MAPK8IP1: variants seen among roughly 807,000 people sequenced by gnomAD.
MAPK8IP1 encodes C-Jun-amino-terminal kinase-interacting protein 1.
MAPK8IP1 carries 17 observed loss-of-function variants against 72.6 expected under a neutral mutation model. That is an observed-to-expected ratio of 0.23 (90% CI 0.16 to 0.35). The LOEUF (loss-of-function observed/expected upper bound fraction) is 0.35, where lower values mean the gene tolerates loss of function less well. Among genes scored for constraint, MAPK8IP1 ranks in the 10% least tolerant of loss-of-function variants. The pLI is 1.00. For synonymous variants in MAPK8IP1, 401 were observed against 443.4 expected (o/e 0.90, Z 1.20); for missense variants, 789 against 1,009.7 (o/e 0.78, Z 2.96).
chr11:45,900,284 G>T lies in MAPK8IP1; in HGVS notation c.354G>T (p.Ala118=). 1 of 1,329,690 alleles carries T rather than the reference G, an allele frequency of 7.5e-7. No individual in the cohort carries two copies. The highest frequency in any genetic ancestry group is 3.2e-5 in the East Asian group (1 of 31,602). The allele number at this position is 1,329,690 out of a possible 1,614,324, so 82.4% of individuals were successfully genotyped here. The part of the protein sequence containing the change: ...DDEEDDDEER[A]ARRPGAGPPK... ...AGGAGGACGACGACGAGGAGCGCGC[G>T]GCCCGGCGGCCGGGAGCGGGGCCGC... The change falls in exon 3 of 12, where the codon GCG becomes GCT. Residue 118 remains alanine, a synonymous_variant. Transcript: ENST00000241014. The surrounding 1 kb of genome is among the most constrained non-coding windows in gnomAD (Gnocchi z 6.5).
chr11:45,905,240 A>T lies in MAPK8IP1; in HGVS notation c.2054A>T (p.Glu685Val). 1 of 1,611,922 alleles carries T rather than the reference A, an allele frequency of 6.2e-7. No homozygotes were observed. The highest frequency in any genetic ancestry group is 2.2e-5 in the East Asian group (1 of 44,874). ...GAAGACTCCACCAAAGCCCTGGCAG[A>T]GTCCGTGGGGTACGTGTACACCCTG... ...VSEDSTKALA[E>V]SVGRAFQQFY... The change falls in exon 11 of 12, where the codon GAG becomes GTG. Residue 685 changes from glutamate to valine, a missense_variant. Physicochemically the swap from Glu to Val is moderately radical, Grantham distance 121. Transcript: ENST00000241014.
At chr11:45,899,216 C>G (rs946134014) in intron 2 of MAPK8IP1, among the ~76,000 whole-genome samples, 43 of 152,378 alleles carry the variant, frequency 2.8e-4, no homozygotes, top group African/African-American at 1.0e-3. Context: ...AGAGCCCTGA[C>G]TTAGCTTCTC....
intron 10 of MAPK8IP1, 34 bp downstream of exon 10, chr11:45,905,075 C>A (rs745853837): frequency 1.9e-6 from 3 of 1,612,696 alleles, no homozygotes; most frequent in African/African-American, 2.7e-5. Context: ...GGAGGAGGCA[C>A]GGGTGGTCTG....
chr11:45,893,742 G>A (rs1279804044), intron 1 of MAPK8IP1, among the ~76,000 whole-genome samples: 1 of 151,674 alleles, frequency 6.6e-6, no homozygotes, highest in East Asian at 1.9e-4. Flanking sequence ...GGGTGGATCA[G>A]GCGGGACAGG....
Position 45,903,549 on chromosome 11 carries a change from C to A in MAPK8IP1, c.1493+109C>A. The A allele has an allele frequency of 1.1e-6, 1 of 911,086 alleles. No homozygotes were observed. Among genetic ancestry groups the A allele is most frequent in the Non-Finnish European group, 1.7e-6 (1 of 576,086 alleles). The allele number at this position is 911,086 out of a possible 1,614,324, so 56.4% of individuals were successfully genotyped here. ...CAGCCTAACCCCTGCCATCAGCCTT[C>A]ATTTATCCACTCAGCCCTGGGAGGA... On this transcript the variant is annotated intron_variant, in intron 6 of 11. Coordinates refer to ENST00000241014, the MANE Select transcript of MAPK8IP1 (RefSeq NM_005456.4). This position sits in a 1 kb window ranked among gnomAD's most constrained non-coding sequence, Gnocchi z 6.4.
intron 1 of MAPK8IP1, among the ~76,000 whole-genome samples, 199 bp downstream of exon 1, chr11:45,886,120 A>G (rs2086525339): frequency 1.3e-5 from 2 of 152,166 alleles, no homozygotes; most frequent in African/African-American, 4.8e-5. Context: ...TTGCATGTTC[A>G]CGAGGCTGTT....
At chr11:45,893,394 C>G (rs986168662) in intron 1 of MAPK8IP1, among the ~76,000 whole-genome samples, 1 of 152,114 alleles carries the variant, frequency 6.6e-6, no homozygotes, top group South Asian at 2.1e-4. Context: ...GGAGCAGGAG[C>G]TGGTATGGCG....
In MAPK8IP1 at chr11:45,903,281, G is replaced by T. The variant is rs1023175693; in HGVS notation, c.1418-84G>T. ...TGGGAGGCGACCCCAGGCCCCATCT[G>T]GTTAGGACTGAGGCTTCTACCTGCC... On this transcript the variant is annotated intron_variant, in intron 5 of 11. Coordinates refer to ENST00000241014, the MANE Select transcript of MAPK8IP1 (RefSeq NM_005456.4). This position sits in a 1 kb window ranked among gnomAD's most constrained non-coding sequence, Gnocchi z 6.4. The T allele has an allele frequency of 7.6e-6, 12 of 1,583,890 alleles. No individual in the cohort carries two copies. Among genetic ancestry groups the T allele is most frequent in the Non-Finnish European group, 9.5e-6 (11 of 1,158,008 alleles).
At chr11:45,886,346 T>C (rs1213759586) in intron 1 of MAPK8IP1, among the ~76,000 whole-genome samples, 1 of 152,192 alleles carries the variant, frequency 6.6e-6, no homozygotes, top group African/African-American at 2.4e-5. Context: ...AACGACATTG[T>C]TGGTGCTGGG....
intron 1 of MAPK8IP1, among the ~76,000 whole-genome samples, chr11:45,895,619 CAAA>C (rs1256044597): frequency 2.2e-4 from 7 of 31,202 alleles, no homozygotes; most frequent in East Asian, 4.4e-4. Context: ...AAGGCCGTCT[CAAA>C]AAAAAAAAAA....
At chr11:45,896,450 T>G in intron 1 of MAPK8IP1, 1 of 861,916 alleles carries the variant, frequency 1.2e-6, no homozygotes, top group Non-Finnish European at 1.4e-6. Flanking sequence ...GGGGGAAACA[T>G]CCTAGATTTC....
chr11:45,901,214 CG>C (rs1339412862), intron 3 of MAPK8IP1, among the ~76,000 whole-genome samples: 5 of 152,044 alleles, frequency 3.3e-5, no homozygotes, highest in Non-Finnish European at 7.4e-5. Context: ...GGCTCAGGAA[CG>C]TGAGGGCTTG....
intron 1 of MAPK8IP1, among the ~76,000 whole-genome samples, chr11:45,892,936 A>G (rs2086577937): frequency 6.6e-6 from 1 of 152,128 alleles, no homozygotes; most frequent in Non-Finnish European, 1.5e-5. Flanking sequence ...TGTCCTGAGA[A>G]CTCACTGGGA....
chr11:45,898,016 G>A, intron 1 of MAPK8IP1, 69 bp from the exon 2 acceptor site: 2 of 928,916 alleles, frequency 2.2e-6, no homozygotes, highest in South Asian at 1.3e-5. Flanking sequence ...CACCCTGGAA[G>A]AGGTAACAGG....
chr11:45,894,779 T>A (rs1381076747), intron 1 of MAPK8IP1, among the ~76,000 whole-genome samples: 1 of 152,182 alleles, frequency 6.6e-6, no homozygotes, highest in African/African-American at 2.4e-5. Context: ...GATCACCTGC[T>A]GGGTACAGTA....
At chr11:45,905,491 G>C (rs143830145) in intron 11 of MAPK8IP1, among the ~76,000 whole-genome samples, 158 bp from the exon 12 acceptor site, 7 of 152,352 alleles carry the variant, frequency 4.6e-5, no homozygotes, top group Non-Finnish European at 8.8e-5. Flanking sequence ...TGGGAAACGC[G>C]ATGGCAATTC....
chr11:45,892,674 G>A (rs560655797), intron 1 of MAPK8IP1, among the ~76,000 whole-genome samples: 1 of 152,254 alleles, frequency 6.6e-6, no homozygotes, highest in East Asian at 1.9e-4. Context: ...GGAGGTGGGG[G>A]GAATGAAGGG....
Position 45,903,575 on chromosome 11 carries a change from C to T in MAPK8IP1, c.1493+135C>T, listed in dbSNP as rs2086676141. On this transcript the variant is annotated intron_variant, in intron 6 of 11. Transcript: ENST00000241014. The surrounding 1 kb of genome is among the most constrained non-coding windows in gnomAD (Gnocchi z 6.4). Reference sequence around the variant, plus strand: ...ATTTATCCACTCAGCCCTGGGAGGACAGTGTCCACTCTCTAGGGACTCAGA... The same window carrying T: ...ATTTATCCACTCAGCCCTGGGAGGATAGTGTCCACTCTCTAGGGACTCAGA... The T allele has an allele frequency of 2.6e-6, 2 of 773,966 alleles. No homozygotes were observed. The highest frequency in any genetic ancestry group is 4.4e-6 in the Non-Finnish European group (2 of 454,162). The allele number at this position is 773,966 out of a possible 1,614,324, so 47.9% of individuals were successfully genotyped here. A position where few individuals can be genotyped will look rare whatever the true frequency, so the allele number is the denominator to read the frequency against.
intron 1 of MAPK8IP1, among the ~76,000 whole-genome samples, chr11:45,895,606 C>G (rs1344273847): frequency 8.2e-6 from 1 of 122,502 alleles, no homozygotes; most frequent in Admixed American, 9.4e-5. Flanking sequence ...GGTGACAGAG[C>G]GAAAGGCCGT....
Sources: gnomAD v4.1 joint callset for allele counts (sites outside exome capture counted in the v4.1 genomes callset) on GRCh38, gnomAD v4.1.1 for gene constraint, Gnocchi (gnomAD v3.1) non-coding constraint, MANE v1.5 for transcripts, NCBI Gene and HGNC (gene_info 2026-07-23, HGNC 2026-07-21) for gene names.